The following LGR4 variants were observed in gnomAD, a reference collection of about 807,000 sequenced individuals.
The protein encoded by LGR4 is leucine-rich repeat-containing G protein-coupled receptor 4.
A neutral mutation model predicts 84.8 loss-of-function variants in LGR4; 44 were observed. The ratio of observed to expected loss-of-function variants is 0.52; its 90% CI spans 0.41 to 0.67. The LOEUF is 0.67. Ranked by LOEUF, LGR4 falls within the 30% of genes least tolerant of loss-of-function variation. The probability of loss-of-function intolerance (pLI) is 0.00; values close to 1 mark genes in which losing one functional copy is unlikely to be tolerated. For missense variants in LGR4, 1,032 were observed against 1,131.4 expected (o/e 0.91, Z 1.26); for synonymous variants, 429 against 434.3 (o/e 0.99, Z 0.15).
chr11:27,436,264 C>T (rs1415743123), intron 1 of LGR4, among the ~76,000 whole-genome samples: 1 of 151,460 alleles, frequency 6.6e-6, no homozygotes, highest in African/African-American at 2.4e-5. Context: ...GATCTGAATA[C>T]CCAGACAATC....
chr11:27,442,529 T>G (rs1364468939), intron 1 of LGR4, among the ~76,000 whole-genome samples: 1 of 152,350 alleles, frequency 6.6e-6, no homozygotes, highest in Non-Finnish European at 1.5e-5. Context: ...ATAATCATCT[T>G]CAAACACATC....
chr11:27,392,649 G>T, intron 2 of LGR4, 131 bp from the exon 3 acceptor site: 1 of 733,462 alleles, frequency 1.4e-6, no homozygotes, highest in South Asian at 2.2e-5. Flanking sequence ...GACATTAAAC[G>T]TGGACTTAAA....
At chr11:27,452,511 T>C (rs765330271) in intron 1 of LGR4, among the ~76,000 whole-genome samples, 2 of 152,124 alleles carry the variant, frequency 1.3e-5, no homozygotes, top group Admixed American at 6.5e-5. Context: ...GCGACACTTT[T>C]CTGTCGCATC....
intron 4 of LGR4, among the ~76,000 whole-genome samples, chr11:27,386,489 T>C (rs1772602896): frequency 6.6e-6 from 1 of 152,142 alleles, no homozygotes; most frequent in Non-Finnish European, 1.5e-5. Flanking sequence ...AGAAAAAAAC[T>C]GGTTAAAAAT....
intron 2 of LGR4, among the ~76,000 whole-genome samples, chr11:27,400,314 T>C (rs923401465): frequency 6.6e-6 from 1 of 152,134 alleles, no homozygotes; most frequent in South Asian, 2.1e-4. Context: ...TCAAGCAAGC[T>C]TATCGCCCCC....
intron 12 of LGR4, among the ~76,000 whole-genome samples, chr11:27,376,655 AT>A (rs1862988848): frequency 6.6e-6 from 1 of 152,186 alleles, no homozygotes; most frequent in African/African-American, 2.4e-5. Context: ...TGCTATCTAA[AT>A]TCCCCCATCA....
intron 6 of LGR4, 157 bp downstream of exon 6, chr11:27,384,179 T>C: frequency 1.7e-6 from 1 of 582,956 alleles, no homozygotes; most frequent in Non-Finnish European, 3.0e-6. Context: ...TTAGTATTCA[T>C]AATTAGGTTA....
chr11:27,425,644 C>T lies in LGR4; in HGVS notation c.186-12784G>A, dbSNP rs547739401. On this transcript the variant is annotated intron_variant, in intron 1 of 17. Coordinates refer to ENST00000379214, the MANE Select transcript of LGR4 (RefSeq NM_018490.5). ...AGCTCCATCATAAATATTAATAGTA[C>T]ACCCTTTCACTCTCAAAGGTATCCT... 2.6e-5 allele frequency among the ~76,000 whole-genome samples: 4 copies of T among 152,190 alleles called. No homozygotes were observed. The East Asian group carries it at 7.7e-4, about 29-fold the overall frequency.
At chr11:27,422,638 A>G (rs886225153) in intron 1 of LGR4, among the ~76,000 whole-genome samples, 9 of 152,194 alleles carry the variant, frequency 5.9e-5, no homozygotes, top group Non-Finnish European at 1.2e-4. Flanking sequence ...CAGACTCAAA[A>G]CCATGAGTTC....
At chr11:27,444,547 G>T (rs1179633846) in intron 1 of LGR4, among the ~76,000 whole-genome samples, 1 of 152,056 alleles carries the variant, frequency 6.6e-6, no homozygotes, top group African/African-American at 2.4e-5. Context: ...ACACAAGAAA[G>T]ATATTTTTAC....
chr11:27,472,032 G>T, intron 1 of LGR4, 86 bp downstream of exon 1: 3 of 1,040,810 alleles, frequency 2.9e-6, no homozygotes, highest in Non-Finnish European at 3.7e-6. Flanking sequence ...GGGTGGGGTG[G>T]GACTGACCCC....
intron 1 of LGR4, among the ~76,000 whole-genome samples, chr11:27,471,259 C>G (rs534531709): frequency 2.2e-4 from 34 of 152,316 alleles, no homozygotes; most frequent in Middle Eastern, 6.8e-3. Flanking sequence ...GTGTGTCTCT[C>G]GATCTCAGGC....
intron 1 of LGR4, among the ~76,000 whole-genome samples, chr11:27,427,418 G>T (rs1864042725): frequency 6.6e-6 from 1 of 152,174 alleles, no homozygotes; most frequent in African/African-American, 2.4e-5. Flanking sequence ...TCAGGAAACT[G>T]CAAGTAGACA....
chr11:27,466,434 A>T (rs1189677113), intron 1 of LGR4, among the ~76,000 whole-genome samples: 1 of 152,230 alleles, frequency 6.6e-6, no homozygotes, highest in Non-Finnish European at 1.5e-5. Context: ...TAAAAGGCAC[A>T]ATCAAGGAGA....
chr11:27,430,391 C>T (rs1864095708), intron 1 of LGR4, among the ~76,000 whole-genome samples: 1 of 152,024 alleles, frequency 6.6e-6, no homozygotes, highest in African/African-American at 2.4e-5. Context: ...GACAGCCAAG[C>T]TTTCCAGATA....
At chr11:27,423,744 T>C (rs1863967208) in intron 1 of LGR4, among the ~76,000 whole-genome samples, 1 of 152,238 alleles carries the variant, frequency 6.6e-6, no homozygotes, top group South Asian at 2.1e-4. Flanking sequence ...TTCTTAAACC[T>C]GGTTTGTAAT....
At chr11:27,418,524 G>A (rs1863863676) in intron 1 of LGR4, among the ~76,000 whole-genome samples, 1 of 152,114 alleles carries the variant, frequency 6.6e-6, no homozygotes. Context: ...CCAAGGCTGA[G>A]TACTTCCCAG....
rs1448769879 is a variant in LGR4 at position 27,384,122 on chromosome 11, G to T, written c.689+214C>A. The T allele has an allele frequency of 1.3e-5, 6 of 455,684 alleles. No individual in the cohort carries two copies. The East Asian group carries it at 1.9e-4, about 14-fold the overall frequency. The allele number at this position is 455,684 out of a possible 1,614,324, so 28.2% of individuals were successfully genotyped here. Reference sequence around the variant, plus strand: ...CTGTTTTGAATGTGTATTCTTTGGGGGAAAATATGCAATTCACACTTTGCC... The same window carrying T: ...CTGTTTTGAATGTGTATTCTTTGGGTGAAAATATGCAATTCACACTTTGCC... On this transcript the variant is annotated intron_variant, in intron 6 of 17. Coordinates refer to ENST00000379214, the MANE Select transcript of LGR4 (RefSeq NM_018490.5).
In LGR4 at chr11:27,472,452, G is replaced by T; in HGVS notation, c.-150C>A. 1 of 476,132 alleles carries T rather than the reference G, an allele frequency of 2.1e-6. No individual in the cohort carries two copies. The highest frequency in any genetic ancestry group is 3.3e-6 in the Non-Finnish European group (1 of 301,474). The allele number at this position is 476,132 out of a possible 1,614,324, so 29.5% of individuals were successfully genotyped here. A position where few individuals can be genotyped will look rare whatever the true frequency, so the allele number is the denominator to read the frequency against. ...CCGCGCGGGCTCGGCCCCTTCAGCA[G>T]TCCGCCGCAGCGGCGCAGGGACGCG... On this transcript the variant is annotated 5_prime_UTR_variant, in exon 1 of 18. The change creates a new upstream start codon in the 5' untranslated region. Transcript: ENST00000379214.
Sources: gnomAD v4.1 joint callset for allele counts (sites outside exome capture counted in the v4.1 genomes callset) on GRCh38, gnomAD v4.1.1 for gene constraint, MANE v1.5 for transcripts, NCBI Gene and HGNC (gene_info 2026-07-23, HGNC 2026-07-21) for gene names.